GABBR1: variants seen among roughly 807,000 people sequenced by gnomAD.
The protein encoded by GABBR1 is gamma-aminobutyric acid type B receptor subunit 1.
A neutral mutation model predicts 117.7 loss-of-function variants in GABBR1; 35 were observed. That is an observed-to-expected ratio of 0.30 (90% CI 0.23 to 0.39). The LOEUF is 0.39. Ranked by LOEUF, GABBR1 falls within the 10% of genes least tolerant of loss-of-function variation. The pLI is 1.00. For synonymous variants in GABBR1, 442 were observed against 486.6 expected (o/e 0.91, Z 1.21); for missense variants, 709 against 1,241.8 (o/e 0.57, Z 6.45).
In GABBR1 at chr6:29,604,993, A is replaced by G; in HGVS notation, c.2440-5T>C. Reference sequence around the variant, plus strand: ...AGCAGTGATGAGGCACAGGACCTAGAGGGAAAGACACATTGAGGGAGTCTC... The same window carrying G: ...AGCAGTGATGAGGCACAGGACCTAGGGGGAAAGACACATTGAGGGAGTCTC... On this transcript the variant is annotated splice_polypyrimidine_tract_variant and splice_region_variant and intron_variant, in intron 20 of 22. Transcript: ENST00000377034. This position sits in a 1 kb window ranked among gnomAD's most constrained non-coding sequence, Gnocchi z 5.3. 1 of 1,607,260 alleles carries G rather than the reference A, an allele frequency of 6.2e-7. No homozygotes were observed. The highest frequency in any genetic ancestry group is 8.5e-7 in the Non-Finnish European group (1 of 1,177,536).
At chr6:29,612,380 C>T (rs1762638129) in intron 13 of GABBR1, among the ~76,000 whole-genome samples, 171 bp downstream of exon 13, 1 of 151,892 alleles carries the variant, frequency 6.6e-6, no homozygotes, top group Admixed American at 6.6e-5. Context: ...TGTAGTTAAG[C>T]TTATTATTAT....
At position 29,620,769 on chromosome 6, in the gene GABBR1, T is replaced by C. The variant is rs766768076; in HGVS notation, c.1323+332A>G. Among the ~76,000 whole-genome samples the C allele has an allele frequency of 2.6e-5, 4 of 152,266 alleles. No individual in the cohort carries two copies. The highest frequency in any genetic ancestry group is 5.9e-5 in the Non-Finnish European group (4 of 68,026). ...GTGCTCCTGTAAAGGTGTGCTTGAG[T>C]ATACAAGCATCCATATTATCATTAA... On this transcript the variant is annotated intron_variant, in intron 11 of 22. Transcript: ENST00000377034. This position sits in a 1 kb window ranked among gnomAD's most constrained non-coding sequence, Gnocchi z 4.5.
chr6:29,616,288 G>T (rs1413900405), intron 11 of GABBR1, among the ~76,000 whole-genome samples: 1 of 146,842 alleles, frequency 6.8e-6, no homozygotes, highest in Non-Finnish European at 1.5e-5. Flanking sequence ...GAGAATCGGA[G>T]AATCGCTTGA....
In GABBR1 at chr6:29,629,004, A is replaced by G; in HGVS notation, c.496+83T>C. 3.9e-6 allele frequency: 6 copies of G among 1,533,332 alleles called. No individual in the cohort carries two copies. In the South Asian group the frequency reaches 6.7e-5, roughly 17 times the overall value. 95.0% of individuals were successfully genotyped at this position (1,533,332 alleles called of 1,614,324 possible). On this transcript the variant is annotated intron_variant, in intron 5 of 22. Transcript: ENST00000377034. ...GCGAAAGGACGACGCCCCGTAGCCT[A>G]AGGGCAGAATTTCAGGGGGGTGGAG...
At chr6:29,617,200 C>T (rs1239313629) in intron 11 of GABBR1, among the ~76,000 whole-genome samples, 4 of 151,698 alleles carry the variant, frequency 2.6e-5, no homozygotes, top group Non-Finnish European at 4.4e-5. Context: ...ATTTTCTCTA[C>T]GTGAATTTCC....
Position 29,602,598 on chromosome 6 carries a change from T to C in GABBR1, c.*945A>G, listed in dbSNP as rs1457542506. 5.5e-6 allele frequency: 1 copy of C among 180,632 alleles called. No homozygotes were observed. The highest frequency in any genetic ancestry group is 1.2e-5 in the Non-Finnish European group (1 of 84,284). The allele number at this position is 180,632 out of a possible 1,614,324, so 11.2% of individuals were successfully genotyped here. On this transcript the variant is annotated 3_prime_UTR_variant, in exon 23 of 23. Transcript: ENST00000377034. ...TGTGGATGGCCCCACCAAACATGAATTGGGGAAAAGTGCATAACAATGTGC... is the reference window on the plus strand; with the variant it reads ...TGTGGATGGCCCCACCAAACATGAACTGGGGAAAAGTGCATAACAATGTGC...
chr6:29,628,451 G>A (rs568915611), intron 5 of GABBR1, among the ~76,000 whole-genome samples: 231 of 152,220 alleles, frequency 1.5e-3, no homozygotes, highest in Middle Eastern at 0.014. Flanking sequence ...CTGAGGATGT[G>A]GGGGAGAGGA....
chr6:29,608,478 G>T, intron 16 of GABBR1, 123 bp downstream of exon 16: 2 of 1,041,636 alleles, frequency 1.9e-6, no homozygotes, highest in Non-Finnish European at 2.8e-6. Context: ...TAGAAGGAAA[G>T]AACAGGGACA....
rs1761900785 is a variant in GABBR1 at position 29,605,892 on chromosome 6, C to T, written c.2312-196G>A. 1.6e-6 allele frequency: 1 copy of T among 614,294 alleles called. No homozygotes were observed. Among genetic ancestry groups the T allele is most frequent in the Non-Finnish European group, 2.8e-6 (1 of 353,338 alleles). 38.1% of individuals were successfully genotyped at this position (614,294 alleles called of 1,614,324 possible). The stretch of plus-strand genomic sequence containing the variant: ...CACCCAACTTGCCCAGACCACATCA[C>T]TTTTTCCTGGGATTCACACAGGAAA... On this transcript the variant is annotated intron_variant, in intron 19 of 22. Transcript: ENST00000377034. This position sits in a 1 kb window ranked among gnomAD's most constrained non-coding sequence, Gnocchi z 4.2.
Position 29,621,724 on chromosome 6 carries a change from GC to G in GABBR1, c.1131+27del, listed in dbSNP as rs528460018. 4.5e-3 allele frequency: 7,183 copies of G among 1,598,374 alleles called. 22 individuals are homozygous for G. Among genetic ancestry groups the G allele is most frequent in the Middle Eastern group, 0.022 (134 of 6,028 alleles). On this transcript the variant is annotated intron_variant, in intron 10 of 22. Coordinates refer to ENST00000377034, the MANE Select transcript of GABBR1 (RefSeq NM_001470.4). This position sits in a 1 kb window ranked among gnomAD's most constrained non-coding sequence, Gnocchi z 5.0. Reference sequence around the variant, plus strand: ...AAACCAAGGGAAACTCCCACCCAGTGCCCCTCCCTCTTCAGATCCAACTCCA... The same window carrying G: ...AAACCAAGGGAAACTCCCACCCAGTGCCCTCCCTCTTCAGATCCAACTCCA...
chr6:29,621,965 A>AGCTCCATCTTCCAGT lies in GABBR1; in HGVS notation c.1065+138_1065+139insACTGGAAGATGGAGC. 1 of 1,032,294 alleles carries AGCTCCATCTTCCAGT rather than the reference A, an allele frequency of 9.7e-7. No homozygotes were observed. Among genetic ancestry groups the AGCTCCATCTTCCAGT allele is most frequent in the Non-Finnish European group, 1.5e-6 (1 of 680,088 alleles). The allele number at this position is 1,032,294 out of a possible 1,614,324, so 63.9% of individuals were successfully genotyped here. ...ATAGTGAATAAACGTCAACTGGAAG[A>AGCTCCATCTTCCAGT]TGGAGCTAAACTTCCCCAGGAGATG... On this transcript the variant is annotated intron_variant, in intron 9 of 22. Transcript: ENST00000377034. This position sits in a 1 kb window ranked among gnomAD's most constrained non-coding sequence, Gnocchi z 5.0.
chr6:29,626,875 C>A (rs1764328478), intron 6 of GABBR1, among the ~76,000 whole-genome samples: 1 of 152,096 alleles, frequency 6.6e-6, no homozygotes, highest in Non-Finnish European at 1.5e-5. Context: ...TCCCCAATCA[C>A]CATATGCCAT....
rs1379880994 is a variant in GABBR1 at position 29,621,769 on chromosome 6, G to A, written c.1114C>T (p.Arg372Trp). The A allele has an allele frequency of 2.5e-6, 4 of 1,613,996 alleles. No homozygotes were observed. Among genetic ancestry groups the A allele is most frequent in the Non-Finnish European group, 3.4e-6 (4 of 1,180,002 alleles). The change falls in exon 10 of 23, where the codon CGG becomes TGG. Residue 372 changes from arginine (R) to tryptophan (W), a missense_variant. Physicochemically the swap from Arg to Trp is moderately radical, Grantham distance 101. This residue lies in a region of GABBR1 where 192 missense variants were observed against 418.4 expected (regional missense o/e 0.46). Transcript: ENST00000377034. This position sits in a 1 kb window ranked among gnomAD's most constrained non-coding sequence, Gnocchi z 5.0. ...AACTCCACCTCACAAAAAACTTTCC[G>A]GGCTTCAGTCTCATAGAAAAGTCCC... The part of the protein sequence containing the change: ...IVGLFYETEA[R>W]KVFCEVYKER...
chr6:29,612,588 G>A lies in GABBR1; in HGVS notation c.1593C>T (p.Gly531=), dbSNP rs1279916440. ...VSGHVVFDAS[G]SRMAWTLIEQ... ...CGATAAGCGTCCATGCCATCCGAGA[G>A]CCGCTGGCATCAAACACCACATGGC... Residue 531 remains glycine (G), a synonymous_variant, in exon 13 of 23, where the codon GGC becomes GGT. Coordinates refer to ENST00000377034, the MANE Select transcript of GABBR1 (RefSeq NM_001470.4). 2 of 1,613,968 alleles carry A rather than the reference G, an allele frequency of 1.2e-6. No individual in the cohort carries two copies. Among genetic ancestry groups the A allele is most frequent in the Non-Finnish European group, 1.7e-6 (2 of 1,180,016 alleles).
chr6:29,608,809 C>A, intron 15 of GABBR1, 76 bp from the exon 16 acceptor site: 1 of 1,503,050 alleles, frequency 6.7e-7, no homozygotes, highest in South Asian at 1.2e-5. Context: ...TCTCCAAATA[C>A]CACGCAATGG....
chr6:29,631,972 GCTA>G lies in GABBR1; in HGVS notation c.85+326_85+328del, dbSNP rs563157098. Among the ~76,000 whole-genome samples, 1,139 of 152,110 alleles carry G rather than the reference GCTA, an allele frequency of 7.5e-3. 9 individuals are homozygous for G. Among genetic ancestry groups the G allele is most frequent in the African/African-American group, 0.024 (1,007 of 41,480 alleles). ...AATTAGGATAGGAGGATAAAGGGAG[GCTA>G]ATAAGATCATCTGGACAGCAAAGTG... On this transcript the variant is annotated intron_variant, in intron 2 of 22. Coordinates refer to ENST00000377034, the MANE Select transcript of GABBR1 (RefSeq NM_001470.4). The surrounding 1 kb of genome is among the most constrained non-coding windows in gnomAD (Gnocchi z 5.9).
intron 6 of GABBR1, among the ~76,000 whole-genome samples, chr6:29,626,823 T>A (rs1287629022): frequency 6.6e-6 from 1 of 152,058 alleles, no homozygotes; most frequent in Non-Finnish European, 1.5e-5. Flanking sequence ...CCAATCCAAT[T>A]CATTTTCCCA....
Position 29,613,873 on chromosome 6 carries a change from A to G in GABBR1, c.1324-388T>C, listed in dbSNP as rs1198028790. On this transcript the variant is annotated intron_variant, in intron 11 of 22. Coordinates refer to ENST00000377034, the MANE Select transcript of GABBR1 (RefSeq NM_001470.4). This position sits in a 1 kb window ranked among gnomAD's most constrained non-coding sequence, Gnocchi z 4.1. ...TTCTCTGATCCTTCTGACTTTCTTC[A>G]TAGAGTTAACCCAGGATCTAACAGC... Among the ~76,000 whole-genome samples, 1 of 152,240 alleles carries G rather than the reference A, an allele frequency of 6.6e-6. No homozygotes were observed. Among genetic ancestry groups the G allele is most frequent in the Non-Finnish European group, 1.5e-5 (1 of 68,040 alleles).
In GABBR1 at chr6:29,604,409, C is replaced by T; in HGVS notation, c.2712+85G>A. 6.4e-7 allele frequency: 1 copy of T among 1,553,270 alleles called. No homozygotes were observed. Among genetic ancestry groups the T allele is most frequent in the Non-Finnish European group, 8.9e-7 (1 of 1,128,360 alleles). On this transcript the variant is annotated intron_variant, in intron 22 of 22. Coordinates refer to ENST00000377034, the MANE Select transcript of GABBR1 (RefSeq NM_001470.4). The surrounding 1 kb of genome is among the most constrained non-coding windows in gnomAD (Gnocchi z 5.3). The stretch of plus-strand genomic sequence containing the variant: ...GAGCCAAGAACATCTGACCCTGTAT[C>T]TCAGGCTTGGCTTCAGACAACCCAA...
Sources: allele counts gnomAD v4.1 joint callset (sites outside exome capture counted in the v4.1 genomes callset), GRCh38; gene constraint gnomAD v4.1.1; regional missense constraint gnomAD v4.1.1; non-coding constraint Gnocchi (gnomAD v3.1); transcripts MANE v1.5; gene names NCBI Gene and HGNC (gene_info 2026-07-23, HGNC 2026-07-21).